Variants in JCAD observed in about 807,000 individuals in gnomAD.
The protein encoded by JCAD is junctional cadherin 5-associated protein.
In JCAD, 40 loss-of-function variants were observed where a neutral mutation model predicts 98.0. The ratio of observed to expected loss-of-function variants is 0.41; its 90% confidence interval spans 0.32 to 0.53. The LOEUF (loss-of-function observed/expected upper bound fraction) is 0.53, where lower values mean the gene tolerates loss of function less well. JCAD is among the 20% of genes least tolerant of loss of function. The probability of loss-of-function intolerance (pLI) is 0.31; values close to 1 mark genes in which losing one functional copy is unlikely to be tolerated. For missense variants in JCAD, 1,705 were observed against 1,738.1 expected (o/e 0.98, Z 0.34); for synonymous variants, 691 against 682.3 (o/e 1.01, Z -0.20).
At chr10:30,109,529 G>A (rs769916274) in intron 1 of JCAD, among the ~76,000 whole-genome samples, 3 of 151,574 alleles carry the variant, frequency 2.0e-5, no homozygotes, top group East Asian at 1.9e-4. Flanking sequence ...TTTTCCTTCC[G>A]TGTCTCTCTC....
intron 1 of JCAD, among the ~76,000 whole-genome samples, chr10:30,110,975 G>A (rs769322275): frequency 2.0e-5 from 3 of 152,156 alleles, no homozygotes; most frequent in Admixed American, 6.5e-5. Context: ...GTATGGACCA[G>A]CTAATGTATG....
intron 1 of JCAD, among the ~76,000 whole-genome samples, chr10:30,114,525 T>C (rs1367655217): frequency 6.7e-6 from 1 of 149,436 alleles, no homozygotes; most frequent in Admixed American, 6.7e-5. Context: ...ATGAGATATA[T>C]TGAAAGCTTT....
At chr10:30,063,749 T>C (rs1323582741), upstream of JCAD, among the ~76,000 whole-genome samples, 5 of 152,346 alleles carry the variant, frequency 3.3e-5, 1 homozygote, top group South Asian at 1.0e-3. Context: ...AGTTTGAATA[T>C]TTGTTTCCTC....
chr10:30,108,811 T>A (rs564606459), intron 1 of JCAD, among the ~76,000 whole-genome samples: 38 of 146,278 alleles, frequency 2.6e-4, no homozygotes, highest in African/African-American at 8.7e-4. Context: ...GAAGAGAAAA[T>A]CCCTGTGAAA....
intron 1 of JCAD, among the ~76,000 whole-genome samples, chr10:30,109,904 G>A (rs998249994): frequency 2.0e-5 from 3 of 151,644 alleles, no homozygotes; most frequent in Non-Finnish European, 4.4e-5. Flanking sequence ...GTATGGACCA[G>A]TTGATATATG....
At chr10:30,098,830 T>G (rs1564471856) in intron 1 of JCAD, among the ~76,000 whole-genome samples, 1 of 152,228 alleles carries the variant, frequency 6.6e-6, no homozygotes, top group Admixed American at 6.5e-5. Context: ...TTTGCTCCAC[T>G]TACTACATCG....
rs1344619749 is a variant in JCAD at position 30,017,593 on chromosome 10, G to T, written c.*290C>A. 2.0e-6 allele frequency: 1 copy of T among 507,480 alleles called. No homozygotes were observed. The allele number at this position is 507,480 out of a possible 1,614,324, so 31.4% of individuals were successfully genotyped here. A position where few individuals can be genotyped will look rare whatever the true frequency, so the allele number is the denominator to read the frequency against. On this transcript the variant is annotated 3_prime_UTR_variant, in exon 4 of 4. Coordinates refer to ENST00000375377, the MANE Select transcript of JCAD (RefSeq NM_020848.4). ...CAACACCAAACTATTTACCAGCTTA[G>T]TCAAATCTGTCATGAGGGAGGGTTT...
chr10:30,064,950 G>A (rs1294504281), intron 2 of JCAD, among the ~76,000 whole-genome samples: 5 of 152,176 alleles, frequency 3.3e-5, no homozygotes, highest in South Asian at 2.1e-4. Context: ...GATTACAGGC[G>A]TGAGCCACCG....
chr10:30,103,228 T>C (rs1352817077), intron 1 of JCAD, among the ~76,000 whole-genome samples: 1 of 152,250 alleles, frequency 6.6e-6, no homozygotes, highest in Non-Finnish European at 1.5e-5. Flanking sequence ...AGGTTGTTTC[T>C]GTATCTTAGC....
chr10:30,013,528 G>C lies in JCAD; in HGVS notation c.*4355C>G, dbSNP rs1836469088. 1 of 152,190 alleles carries C rather than the reference G, an allele frequency of 6.6e-6. No individual in the cohort carries two copies. Among genetic ancestry groups the C allele is most frequent in the Non-Finnish European group, 1.5e-5 (1 of 68,068 alleles). The allele number at this position is 152,190 out of a possible 1,614,324, so 9.4% of individuals were successfully genotyped here. A position where few individuals can be genotyped will look rare whatever the true frequency, so the allele number is the denominator to read the frequency against. ...CATATGGTTTTCATTTCTGTTTGCT[G>C]CCATATGCTTCTCAACTTGAACTTG... is the stretch of plus-strand genomic sequence containing the variant. On this transcript the variant is annotated 3_prime_UTR_variant, in exon 4 of 4. Coordinates refer to ENST00000375377, the MANE Select transcript of JCAD (RefSeq NM_020848.4).
chr10:30,042,240 G>T (rs1262278710), intron 2 of JCAD, among the ~76,000 whole-genome samples: 3 of 152,164 alleles, frequency 2.0e-5, no homozygotes, highest in African/African-American at 7.2e-5. Context: ...GGGTACACAG[G>T]GAGTCCCTGT....
In JCAD at chr10:30,050,575, G is replaced by C. The variant is rs150174637; in HGVS notation, c.-59-2704C>G. Among the ~76,000 whole-genome samples, 295 of 152,304 alleles carry C rather than the reference G, an allele frequency of 1.9e-3. 1 individual carries two copies. Among genetic ancestry groups the C allele is most frequent in the African/African-American group, 6.5e-3 (271 of 41,564 alleles). ...ATACACTAAGGAACAGGCATGTGCA[G>C]CACACAGCTGGTTGTGCTACAGTCC... On this transcript the variant is annotated intron_variant, in intron 1 of 3. Transcript: ENST00000375377.
intron 3 of JCAD, among the ~76,000 whole-genome samples, chr10:30,018,288 TTCTTCTTC>T (rs1836579823): frequency 8.1e-6 from 1 of 122,918 alleles, no homozygotes; most frequent in African/African-American, 3.7e-5. Context: ...CTTCTTCTTC[TTCTTCTTC>T]TTTTTTTTTT....
At chr10:30,062,464 A>T (rs1260991238), upstream of JCAD, among the ~76,000 whole-genome samples, 1 of 152,186 alleles carries the variant, frequency 6.6e-6, no homozygotes, top group Admixed American at 6.5e-5. Flanking sequence ...ATGTGGGGAG[A>T]GGGGCAAGCA....
chr10:30,064,184 T>C (rs1009577365), upstream of JCAD, among the ~76,000 whole-genome samples: 1 of 152,144 alleles, frequency 6.6e-6, no homozygotes, highest in African/African-American at 2.4e-5. Flanking sequence ...CATGGATTAA[T>C]AGATTAATGG....
rs58164754 is a variant in JCAD at position 30,019,357 on chromosome 10, C to CA, written c.4046-1441dup. On this transcript the variant is annotated intron_variant, in intron 3 of 3. Coordinates refer to ENST00000375377, the MANE Select transcript of JCAD (RefSeq NM_020848.4). Reference sequence around the variant, plus strand: ...GGGCAACAAGAGCGAAACTCTGTCTCAAAAAAAAAAAAAAAAAAAAGAAAA... The same window carrying CA: ...GGGCAACAAGAGCGAAACTCTGTCTCAAAAAAAAAAAAAAAAAAAAAGAAAA... Among the ~76,000 whole-genome samples, 2,707 of 100,030 alleles carry CA rather than the reference C, an allele frequency of 0.027. 235 individuals are homozygous for CA. The East Asian group carries it at 0.36, about 13-fold the overall frequency. The allele number at this position is 100,030 out of a possible 152,430, so 65.6% of individuals were successfully genotyped here. A position where few individuals can be genotyped will look rare whatever the true frequency, so the allele number is the denominator to read the frequency against.
chr10:30,015,828 C>T lies in JCAD; in HGVS notation c.*2055G>A, dbSNP rs1046798181. 6.6e-6 allele frequency: 1 copy of T among 152,080 alleles called. No homozygotes were observed. Among genetic ancestry groups the T allele is most frequent in the African/African-American group, 2.4e-5 (1 of 41,400 alleles). The allele number at this position is 152,080 out of a possible 1,614,324, so 9.4% of individuals were successfully genotyped here. A position where few individuals can be genotyped will look rare whatever the true frequency, so the allele number is the denominator to read the frequency against. ...TATATAAATGTATATACACATATAC[C>T]TTCTTACGTTTGCATTTAAAGAGGG... On this transcript the variant is annotated 3_prime_UTR_variant, in exon 4 of 4. Coordinates refer to ENST00000375377, the MANE Select transcript of JCAD (RefSeq NM_020848.4).
At chr10:30,106,357 G>A (rs1678856030) in intron 1 of JCAD, among the ~76,000 whole-genome samples, 1 of 152,068 alleles carries the variant, frequency 6.6e-6, no homozygotes, top group South Asian at 2.1e-4. Context: ...CTTGAGCCCA[G>A]GAGTTGGAGA....
At chr10:30,086,316 T>C (rs760972939) in intron 1 of JCAD, among the ~76,000 whole-genome samples, 16 of 152,184 alleles carry the variant, frequency 1.1e-4, no homozygotes, top group Non-Finnish European at 2.2e-4. Context: ...ATGTCAGAGA[T>C]GTAGGGCATT....
Sources: gnomAD v4.1 joint callset for allele counts (sites outside exome capture counted in the v4.1 genomes callset) on GRCh38, gnomAD v4.1.1 for gene constraint, MANE v1.5 for transcripts, NCBI Gene and HGNC (gene_info 2026-07-23, HGNC 2026-07-21) for gene names.